The following TSNARE1 variants were observed in gnomAD, a reference collection of about 807,000 sequenced individuals.
The protein encoded by TSNARE1 is t-SNARE domain containing 1, also known as t-SNARE domain-containing protein 1.
TSNARE1 carries 49 observed loss-of-function variants against 62.0 expected under a neutral mutation model. The observed-to-expected ratio is 0.79, with a 90% CI of 0.63 to 1.00. The LOEUF is 1.00. TSNARE1 is among the 50% of genes least tolerant of loss of function. The probability of loss-of-function intolerance (pLI) is 0.00; values close to 1 mark genes in which losing one functional copy is unlikely to be tolerated. For synonymous variants in TSNARE1, 328 were observed against 294.4 expected, an observed-to-expected ratio of 1.11 and a Z score of -1.17; for missense variants, 755 against 700.1, an observed-to-expected ratio of 1.08 and a Z score of -0.88.
chr8:142,384,490 A>G (rs34033640), intron 1 of TSNARE1, among the ~76,000 whole-genome samples: 30,698 of 152,184 alleles, frequency 0.2, 3,205 homozygotes, highest in East Asian at 0.28. Flanking sequence ...ATATAGACCC[A>G]AAGAATAGAA....
intron 13 of TSNARE1, among the ~76,000 whole-genome samples, chr8:142,215,684 G>A (rs1815799219): frequency 6.6e-6 from 1 of 152,146 alleles, no homozygotes; most frequent in Non-Finnish European, 1.5e-5. Flanking sequence ...CAGGCCAAGG[G>A]GGCAGCAGCC....
intron 13 of TSNARE1, among the ~76,000 whole-genome samples, chr8:142,224,483 G>A (rs1224436993): frequency 6.6e-6 from 1 of 152,204 alleles, no homozygotes; most frequent in African/African-American, 2.4e-5. Context: ...CTTCACATTA[G>A]TTGTGAATTG....
chr8:142,215,112 C>T (rs1234805347), intron 13 of TSNARE1, among the ~76,000 whole-genome samples: 1 of 152,150 alleles, frequency 6.6e-6, no homozygotes, highest in Non-Finnish European at 1.5e-5. Context: ...GAGGTGTCCC[C>T]GGGCCCAGGC....
chr8:142,309,184 C>T (rs1443803470), intron 9 of TSNARE1, among the ~76,000 whole-genome samples: 1 of 152,198 alleles, frequency 6.6e-6, no homozygotes, highest in Non-Finnish European at 1.5e-5. Context: ...GCTACAGGTG[C>T]GTTCGGATTT....
chr8:142,350,864 G>C (rs1233452245), intron 2 of TSNARE1, among the ~76,000 whole-genome samples: 2 of 152,168 alleles, frequency 1.3e-5, no homozygotes, highest in African/African-American at 4.8e-5. Flanking sequence ...CAGAGACAGA[G>C]ACACACTCGA....
intron 1 of TSNARE1, among the ~76,000 whole-genome samples, chr8:142,388,722 T>C (rs1837282688): frequency 6.6e-6 from 1 of 152,052 alleles, no homozygotes; most frequent in African/African-American, 2.4e-5. Flanking sequence ...CATGCCCAGC[T>C]AGTTTTTGTA....
chr8:142,331,009 G>A, intron 5 of TSNARE1, 39 bp from the exon 6 acceptor site: 1 of 1,587,140 alleles, frequency 6.3e-7, no homozygotes, highest in Non-Finnish European at 8.6e-7. Flanking sequence ...GGCAGAAGGA[G>A]CTTCCCTGCC....
intron 9 of TSNARE1, among the ~76,000 whole-genome samples, chr8:142,303,838 C>A (rs549469525): frequency 3.9e-5 from 6 of 152,104 alleles, no homozygotes; most frequent in Non-Finnish European, 8.8e-5. Flanking sequence ...AGGGACGTGG[C>A]ATGAGGCTGG....
At chr8:142,294,592 G>A (rs1285781117) in intron 10 of TSNARE1, among the ~76,000 whole-genome samples, 1 of 152,208 alleles carries the variant, frequency 6.6e-6, no homozygotes, top group Non-Finnish European at 1.5e-5. Context: ...AGAGGGTGGA[G>A]GCAGCTGTCC....
chr8:142,260,966 C>CAGAGAGGGAAG (rs1818828179), intron 12 of TSNARE1, among the ~76,000 whole-genome samples: 1 of 1,062 alleles, frequency 9.4e-4, no homozygotes, highest in Non-Finnish European at 1.9e-3. Flanking sequence ...ACAAAGCAGT[C>CAGAGAGGGAAG]AGGGAGGGAG....
At chr8:142,323,169 G>A (rs899012905) in intron 6 of TSNARE1, among the ~76,000 whole-genome samples, 1 of 152,238 alleles carries the variant, frequency 6.6e-6, no homozygotes, top group African/African-American at 2.4e-5. Context: ...TTGTTATGAT[G>A]CCAGTTCTTT....
At position 142,328,158 on chromosome 8, in the gene TSNARE1, G is replaced by GT. The variant is rs1183004220; in HGVS notation, c.893+2742dup. ...TATATCATAGGTGTTAGAAATAATA[G>GT]TTTTTTAAAAAAAAAAACTAACTTC... is the stretch of plus-strand genomic sequence containing the variant. On this transcript the variant is annotated intron_variant, in intron 6 of 13. Coordinates refer to ENST00000524325, the MANE Select transcript of TSNARE1 (RefSeq NM_145003.5). 8.8e-4 allele frequency among the ~76,000 whole-genome samples: 126 copies of GT among 142,816 alleles called. 1 individual carries two copies. Among genetic ancestry groups the GT allele is most frequent in the East Asian group, 1.8e-3 (8 of 4,558 alleles). The allele number at this position is 142,816 out of a possible 152,430, so 93.7% of individuals were successfully genotyped here. A position where few individuals can be genotyped will look rare whatever the true frequency, so the allele number is the denominator to read the frequency against.
chr8:142,347,254 G>C (rs1171734943), intron 2 of TSNARE1, among the ~76,000 whole-genome samples: 5 of 152,264 alleles, frequency 3.3e-5, no homozygotes, highest in African/African-American at 1.2e-4. Context: ...GGGATGGAGA[G>C]GGAGCAGCCG....
intron 6 of TSNARE1, among the ~76,000 whole-genome samples, chr8:142,322,490 G>A (rs1829606806): frequency 1.3e-5 from 2 of 152,240 alleles, no homozygotes; most frequent in South Asian, 2.1e-4. Flanking sequence ...CAGTCATAGA[G>A]ACATGTACAT....
At chr8:142,374,300 G>A (rs1836144238) in intron 1 of TSNARE1, among the ~76,000 whole-genome samples, 1 of 151,068 alleles carries the variant, frequency 6.6e-6, no homozygotes, top group South Asian at 2.1e-4. Context: ...GCGAGACCTA[G>A]TCTCAAAAAA....
chr8:142,281,561 A>G (rs1196975398), intron 11 of TSNARE1, among the ~76,000 whole-genome samples: 1 of 151,852 alleles, frequency 6.6e-6, no homozygotes, highest in Admixed American at 6.6e-5. Context: ...GCTCTCCACA[A>G]GCAGAGGAGG....
At chr8:142,384,987 A>G (rs576957438) in intron 1 of TSNARE1, among the ~76,000 whole-genome samples, 3 of 152,342 alleles carry the variant, frequency 2.0e-5, no homozygotes, top group South Asian at 4.1e-4. Flanking sequence ...ACTCAACAAC[A>G]ACAAAAAATC....
chr8:142,304,186 T>C (rs1826259596), intron 9 of TSNARE1, among the ~76,000 whole-genome samples: 1 of 152,260 alleles, frequency 6.6e-6, no homozygotes, highest in Non-Finnish European at 1.5e-5. Context: ...AATTATCACC[T>C]CCCCTTCCTG....
At chr8:142,271,382 A>G (rs1819521902) in intron 12 of TSNARE1, 3 of 1,219,594 alleles carry the variant, frequency 2.5e-6, no homozygotes, top group Non-Finnish European at 2.0e-6. Context: ...CCAGGAGGAC[A>G]GCAGGGCGCC....
Sources: allele counts gnomAD v4.1 joint callset (sites outside exome capture counted in the v4.1 genomes callset), GRCh38; gene constraint gnomAD v4.1.1; transcripts MANE v1.5; gene names NCBI Gene and HGNC (gene_info 2026-07-23, HGNC 2026-07-21).